The following FKBP15 variants were observed in gnomAD, a reference collection of about 807,000 sequenced individuals.
FKBP15 encodes FK506-binding protein 15.
FKBP15 carries 106 observed loss-of-function variants against 158.1 expected under a neutral mutation model. The ratio of observed to expected loss-of-function variants is 0.67; its 90% CI spans 0.57 to 0.79. The LOEUF (loss-of-function observed/expected upper bound fraction) is 0.79, where lower values mean the gene tolerates loss of function less well. Ranked by LOEUF, FKBP15 falls within the 30% of genes least tolerant of loss-of-function variation. The pLI is 0.00. For missense variants in FKBP15, 1,287 were observed against 1,479.1 expected (o/e 0.87, Z 2.13); for synonymous variants, 547 against 548.6 (o/e 1.00, Z 0.04).
chr9:113,188,060 G>A, intron 13 of FKBP15, 161 bp from the exon 14 acceptor site: 1 of 651,708 alleles, frequency 1.5e-6, no homozygotes. Flanking sequence ...GCCAGTGGAA[G>A]GAAACTGGGT....
intron 6 of FKBP15, among the ~76,000 whole-genome samples, chr9:113,200,181 C>A (rs767851727): frequency 6.6e-5 from 10 of 152,162 alleles, no homozygotes; most frequent in Non-Finnish European, 1.0e-4. Flanking sequence ...CCAGGCACTG[C>A]CACTTATTAA....
intron 24 of FKBP15, 127 bp from the exon 25 acceptor site, chr9:113,170,756 T>C (rs1035495783): frequency 2.8e-6 from 2 of 718,884 alleles, no homozygotes; most frequent in African/African-American, 3.5e-5. Flanking sequence ...CTGCTGGTCA[T>C]AAGCAGAGAC....
At chr9:113,209,576 T>C (rs1286832833) in intron 2 of FKBP15, among the ~76,000 whole-genome samples, 1 of 152,222 alleles carries the variant, frequency 6.6e-6, no homozygotes, top group East Asian at 1.9e-4. Flanking sequence ...TGGTATAATA[T>C]GAAATATGTT....
chr9:113,208,892 G>C (rs1311040702), intron 2 of FKBP15, among the ~76,000 whole-genome samples: 2 of 151,786 alleles, frequency 1.3e-5, no homozygotes, highest in Non-Finnish European at 2.9e-5. Flanking sequence ...TGGAGTCCCA[G>C]GTACTTGGGA....
chr9:113,196,374 GA>G (rs1830682567), intron 9 of FKBP15, among the ~76,000 whole-genome samples: 1 of 131,634 alleles, frequency 7.6e-6, no homozygotes, highest in South Asian at 2.5e-4. Flanking sequence ...TTAGTGTGAA[GA>G]AGTGACTTTT....
intron 3 of FKBP15, 114 bp from the exon 4 acceptor site, chr9:113,206,692 A>T: frequency 1.5e-6 from 1 of 672,756 alleles, no homozygotes; most frequent in Non-Finnish European, 2.5e-6. Context: ...CTAGGCAGGG[A>T]CACAGGTGAG....
At chr9:113,170,998 T>G (rs1830198430) in intron 24 of FKBP15, among the ~76,000 whole-genome samples, 1 of 152,106 alleles carries the variant, frequency 6.6e-6, no homozygotes, top group African/African-American at 2.4e-5. Flanking sequence ...CCAAGCCCCA[T>G]TCTTCTTCTG....
chr9:113,179,062 G>A (rs1056449053), intron 19 of FKBP15, among the ~76,000 whole-genome samples: 1 of 150,596 alleles, frequency 6.6e-6, no homozygotes, highest in South Asian at 2.1e-4. Context: ...ATGGGGTCTC[G>A]CTCAGTCACC....
chr9:113,195,120 G>A (rs1318056270), intron 9 of FKBP15, among the ~76,000 whole-genome samples: 1 of 152,174 alleles, frequency 6.6e-6, no homozygotes, highest in Non-Finnish European at 1.5e-5. Context: ...CTAAGCTTGT[G>A]GGAGTTATTT....
chr9:113,185,435 A>G (rs1830469937), intron 15 of FKBP15, among the ~76,000 whole-genome samples: 1 of 152,192 alleles, frequency 6.6e-6, no homozygotes, highest in Non-Finnish European at 1.5e-5. Flanking sequence ...CAGATGGAGA[A>G]GGGCAGAGCT....
chr9:113,171,842 A>G (rs550570404), intron 23 of FKBP15, 136 bp from the exon 24 acceptor site: 1 of 754,328 alleles, frequency 1.3e-6, no homozygotes, highest in African/African-American at 1.9e-5. Flanking sequence ...TTTTATTTCA[A>G]ATTCTTTTTT....
chr9:113,161,702 CA>C lies in FKBP15; in HGVS notation c.*4375del. The C allele has an allele frequency of 6.2e-7, 1 of 1,613,790 alleles. No homozygotes were observed. Among genetic ancestry groups the C allele is most frequent in the Non-Finnish European group, 8.5e-7 (1 of 1,179,804 alleles). On this transcript the variant is annotated 3_prime_UTR_variant, in exon 28 of 28. Transcript: ENST00000238256. ...CTGTTGGCAGAACCCACCACAGGTA[CA>C]GGCAGTGGGTATGGGAAAGGGGCAG...
chr9:113,219,726 T>C (rs1051686984), intron 1 of FKBP15, among the ~76,000 whole-genome samples: 3 of 152,216 alleles, frequency 2.0e-5, no homozygotes, highest in African/African-American at 7.2e-5. Context: ...TTCAGTCAGC[T>C]TGGACTGATT....
chr9:113,169,601 T>A lies in FKBP15; in HGVS notation c.3108A>T (p.Arg1036Ser). Residue 1036 changes from arginine to serine, a missense_variant, in exon 26 of 28, where the codon AGA (arginine) becomes AGT (serine). Transcript: ENST00000238256. ...PPELSCIPSH[R>S]VLGPPTSIPP... ...GAATTGAAGTCGGGGGCCCTAGAAC[T>A]CTGTGGGATGGGATGCAAGACAGTT... The A allele has an allele frequency of 6.2e-7, 1 of 1,613,974 alleles. No individual in the cohort carries two copies. The highest frequency in any genetic ancestry group is 8.5e-7 in the Non-Finnish European group (1 of 1,179,874).
intron 1 of FKBP15, among the ~76,000 whole-genome samples, chr9:113,220,336 T>A (rs1831225558): frequency 6.6e-6 from 1 of 152,124 alleles, no homozygotes. Context: ...GCTCACAAGT[T>A]TGGAGGAAGT....
chr9:113,217,201 G>GTTTTTTT (rs979783485), intron 1 of FKBP15, among the ~76,000 whole-genome samples: 2 of 89,398 alleles, frequency 2.2e-5, no homozygotes, highest in African/African-American at 1.0e-4. Context: ...ACCACGCCCA[G>GTTTTTTT]TTTTTTTTTT....
intron 15 of FKBP15, 136 bp downstream of exon 15, chr9:113,186,113 T>C (rs566601778): frequency 3.1e-5 from 20 of 645,134 alleles, no homozygotes; most frequent in Non-Finnish European, 4.9e-5. Flanking sequence ...GGAATACATA[T>C]TATATCTCAA....
chr9:113,176,641 T>C lies in FKBP15; in HGVS notation c.2119A>G (p.Lys707Glu). Reference sequence around the variant, plus strand: ...CGGTTCTGCTTTTCACTTTTGAATTTGGACTGTGCTTGCTCAGAGGTTTCT... The same window carrying C: ...CGGTTCTGCTTTTCACTTTTGAATTCGGACTGTGCTTGCTCAGAGGTTTCT... ...LQETSEQAQS[K>E]FKSEKQNRKQ... is the part of the protein sequence containing the mutation. The change falls in exon 21 of 28, where the codon AAA becomes GAA. Residue 707 changes from lysine to glutamate, a missense_variant. Lys to Glu is a moderately conservative substitution (Grantham distance 56). Coordinates refer to ENST00000238256, the MANE Select transcript of FKBP15 (RefSeq NM_015258.2). 2 of 1,607,922 alleles carry C rather than the reference T, an allele frequency of 1.2e-6. No individual in the cohort carries two copies. Among genetic ancestry groups the C allele is most frequent in the South Asian group, 2.2e-5 (2 of 89,696 alleles).
intron 26 of FKBP15, 80 bp downstream of exon 26, chr9:113,169,144 A>T: frequency 6.7e-7 from 1 of 1,489,640 alleles, no homozygotes; most frequent in Non-Finnish European, 8.9e-7. Flanking sequence ...CTGAGGGATG[A>T]GTTGCCAGCC....
Sources: allele counts gnomAD v4.1 joint callset (sites outside exome capture counted in the v4.1 genomes callset), GRCh38; gene constraint gnomAD v4.1.1; transcripts MANE v1.5; gene names NCBI Gene and HGNC (gene_info 2026-07-23, HGNC 2026-07-21).